The following ARHGAP18 variants were observed in gnomAD, a reference collection of about 807,000 sequenced individuals.
The protein encoded by ARHGAP18 is rho GTPase-activating protein 18.
A neutral mutation model predicts 86.2 loss-of-function variants in ARHGAP18; 67 were observed. The ratio of observed to expected loss-of-function variants is 0.78; its 90% CI spans 0.64 to 0.95. ARHGAP18 has a LOEUF of 0.95. Ranked by LOEUF, ARHGAP18 falls within the 40% of genes least tolerant of loss-of-function variation. The pLI is 0.00. For synonymous variants in ARHGAP18, 283 were observed against 280.4 expected, an observed-to-expected ratio of 1.01 and a Z score of -0.09; for missense variants, 691 against 780.4, an observed-to-expected ratio of 0.89 and a Z score of 1.37.
At chr6:129,611,838 G>A (rs2114462059) in intron 7 of ARHGAP18, among the ~76,000 whole-genome samples, 1 of 152,300 alleles carries the variant, frequency 6.6e-6, no homozygotes, top group Admixed American at 6.5e-5. Flanking sequence ...TAACAGAAGT[G>A]TGTAATTTCA....
At chr6:129,610,556 C>T (rs1360176089) in intron 8 of ARHGAP18, among the ~76,000 whole-genome samples, 2 of 152,156 alleles carry the variant, frequency 1.3e-5, no homozygotes, top group African/African-American at 2.4e-5. Context: ...CTCGTCTGGC[C>T]GGCTCACTAA....
Position 129,710,007 on chromosome 6 carries a change from AGCTTCCGAAGGCTTACCTCGAGGTG to A in ARHGAP18, c.105_113+16del. 1 of 1,602,762 alleles carries A rather than the reference AGCTTCCGAAGGCTTACCTCGAGGTG, an allele frequency of 6.2e-7. No homozygotes were observed. Among genetic ancestry groups the A allele is most frequent in the Non-Finnish European group, 8.5e-7 (1 of 1,169,824 alleles). On this transcript the variant is annotated splice_donor_variant and splice_donor_5th_base_variant and coding_sequence_variant and intron_variant, in exon 1 of 15. Coordinates refer to ENST00000368149, the MANE Select transcript of ARHGAP18 (RefSeq NM_033515.3). LOFTEE classifies it high-confidence loss of function. ...GGTAAGAGGGTTTTGTTTTGTTTTC[AGCTTCCGAAGGCTTACCTCGAGGTG>A]GCTTCCTCCCCTGCCTTTGCATGGC...
At chr6:129,671,851 T>A (rs1774147648) in intron 1 of ARHGAP18, among the ~76,000 whole-genome samples, 1 of 152,178 alleles carries the variant, frequency 6.6e-6, no homozygotes, top group African/African-American at 2.4e-5. Flanking sequence ...AATTGTAGAA[T>A]GTCTAACACA....
chr6:129,617,003 C>A (rs745705398), intron 6 of ARHGAP18, among the ~76,000 whole-genome samples: 1 of 152,158 alleles, frequency 6.6e-6, no homozygotes, highest in East Asian at 1.9e-4. Context: ...ATTAAATAGA[C>A]ATTGAACACT....
intron 5 of ARHGAP18, 108 bp from the exon 6 acceptor site, chr6:129,618,960 T>A (rs1304060911): frequency 6.1e-6 from 6 of 990,080 alleles, no homozygotes; most frequent in Non-Finnish European, 8.8e-6. Context: ...GAATAAGTGA[T>A]AAGAAAAGCC....
chr6:129,589,111 G>A (rs764197208), intron 12 of ARHGAP18, among the ~76,000 whole-genome samples: 7 of 152,176 alleles, frequency 4.6e-5, no homozygotes, highest in Non-Finnish European at 8.8e-5. Flanking sequence ...ATGCCTTGTA[G>A]ACATTTTTCC....
intron 1 of ARHGAP18, among the ~76,000 whole-genome samples, chr6:129,684,373 T>C (rs186055150): frequency 5.3e-5 from 8 of 152,280 alleles, no homozygotes; most frequent in Admixed American, 2.6e-4. Flanking sequence ...GGAATGTGCA[T>C]GGGAAAAAAA....
chr6:129,599,120 G>T, intron 12 of ARHGAP18, 96 bp downstream of exon 12: 1 of 1,044,554 alleles, frequency 9.6e-7, no homozygotes, highest in Non-Finnish European at 1.3e-6. Context: ...CTAATAAGTG[G>T]CAGAAAGTCA....
intron 1 of ARHGAP18, among the ~76,000 whole-genome samples, chr6:129,654,755 C>G (rs745910651): frequency 9.9e-5 from 15 of 152,212 alleles, no homozygotes; most frequent in Non-Finnish European, 2.1e-4. Context: ...TTTCCCATCG[C>G]TACACACCTG....
intron 10 of ARHGAP18, among the ~76,000 whole-genome samples, chr6:129,604,189 C>T (rs765533083): frequency 3.6e-5 from 5 of 140,206 alleles, no homozygotes; most frequent in Admixed American, 7.3e-5. Context: ...CAGTTTTTTA[C>T]CAAAAATAGT....
At chr6:129,606,052 C>T in intron 9 of ARHGAP18, 93 bp from the exon 10 acceptor site, 3 of 1,196,988 alleles carry the variant, frequency 2.5e-6, no homozygotes, top group Middle Eastern at 4.0e-4. Flanking sequence ...AGTTATTTGG[C>T]ATAAACATGA....
intron 1 of ARHGAP18, among the ~76,000 whole-genome samples, chr6:129,699,939 A>T (rs1774684019): frequency 6.6e-6 from 1 of 152,200 alleles, no homozygotes; most frequent in Non-Finnish European, 1.5e-5. Context: ...CAAGTTTATT[A>T]TGTATTCTAT....
intron 1 of ARHGAP18, among the ~76,000 whole-genome samples, chr6:129,679,443 A>C (rs1774288538): frequency 6.6e-6 from 1 of 152,208 alleles, no homozygotes; most frequent in African/African-American, 2.4e-5. Flanking sequence ...TTAAGCATGT[A>C]CTCATTTGGA....
At chr6:129,682,089 AG>A (rs746489604) in intron 1 of ARHGAP18, among the ~76,000 whole-genome samples, 31 of 152,370 alleles carry the variant, frequency 2.0e-4, no homozygotes, top group Admixed American at 1.0e-3. Flanking sequence ...TATTTTTTAA[AG>A]GAAGGCTCAC....
In ARHGAP18 at chr6:129,702,869, G is replaced by A. The variant is rs189055072; in HGVS notation, c.113+7155C>T. Among the ~76,000 whole-genome samples the A allele has an allele frequency of 5.5e-4, 84 of 152,206 alleles. 1 individual carries two copies. Among genetic ancestry groups the A allele is most frequent in the Admixed American group, 1.0e-3 (16 of 15,296 alleles). ...ACAAAAATTAGACGGGTGTGGTGGC[G>A]CACGCCTGTAATCCCAGCTACTGGG... On this transcript the variant is annotated intron_variant, in intron 1 of 14. Transcript: ENST00000368149.
chr6:129,652,470 T>C (rs1773735755), intron 1 of ARHGAP18, among the ~76,000 whole-genome samples: 1 of 152,196 alleles, frequency 6.6e-6, no homozygotes, highest in South Asian at 2.1e-4. Context: ...AGGGATGAAA[T>C]GAAGAAAGAT....
chr6:129,681,145 G>A (rs974029723), intron 1 of ARHGAP18, among the ~76,000 whole-genome samples: 2 of 152,090 alleles, frequency 1.3e-5, no homozygotes, highest in African/African-American at 4.8e-5. Flanking sequence ...TAGCACAATC[G>A]CGGCTCACTG....
intron 7 of ARHGAP18, among the ~76,000 whole-genome samples, chr6:129,614,690 G>T (rs550651627): frequency 6.6e-6 from 1 of 151,878 alleles, no homozygotes; most frequent in Non-Finnish European, 1.5e-5. Flanking sequence ...TGCCAATTTG[G>T]CTAGGCCATA....
At chr6:129,677,590 G>T (rs1338105240) in intron 1 of ARHGAP18, among the ~76,000 whole-genome samples, 1 of 152,108 alleles carries the variant, frequency 6.6e-6, no homozygotes, top group Non-Finnish European at 1.5e-5. Flanking sequence ...CATTTAGATT[G>T]TATCTCTTGG....
Sources: gnomAD v4.1 joint callset for allele counts (sites outside exome capture counted in the v4.1 genomes callset) on GRCh38, gnomAD v4.1.1 for gene constraint, MANE v1.5 for transcripts, NCBI Gene and HGNC (gene_info 2026-07-23, HGNC 2026-07-21) for gene names.